Variants in DENND5A observed in about 807,000 individuals in gnomAD.
DENND5A encodes the protein DENN domain-containing protein 5A.
In DENND5A, 64 loss-of-function variants were observed where a neutral mutation model predicts 140.3. That is an observed-to-expected ratio of 0.46 (90% CI 0.37 to 0.56). DENND5A has a LOEUF of 0.56. DENND5A is among the 20% of genes least tolerant of loss of function. The probability of loss-of-function intolerance (pLI) is 0.00; values close to 1 mark genes in which losing one functional copy is unlikely to be tolerated. For missense variants in DENND5A, 1,292 were observed against 1,593.8 expected, an observed-to-expected ratio of 0.81 and a Z score of 3.22; for synonymous variants, 605 against 607.7, an observed-to-expected ratio of 1.00 and a Z score of 0.07.
At chr11:9,235,162 C>G (rs1386837863) in intron 1 of DENND5A, among the ~76,000 whole-genome samples, 1 of 152,116 alleles carries the variant, frequency 6.6e-6, no homozygotes, top group Non-Finnish European at 1.5e-5. Flanking sequence ...GGTGTTCAGA[C>G]AGAAACTTGT....
At chr11:9,164,968 T>C (rs1047343493) in intron 11 of DENND5A, among the ~76,000 whole-genome samples, 2 of 151,284 alleles carry the variant, frequency 1.3e-5, no homozygotes, top group African/African-American at 4.9e-5. Flanking sequence ...TTAAAAAAGT[T>C]TTTTATTAAA....
intron 5 of DENND5A, among the ~76,000 whole-genome samples, chr11:9,183,254 G>A (rs766815066): frequency 1.3e-5 from 2 of 152,180 alleles, no homozygotes; most frequent in African/African-American, 2.4e-5. Flanking sequence ...TTCCATTCAC[G>A]TAACAGAGAT....
At chr11:9,195,020 C>CT (rs574310334) in intron 4 of DENND5A, among the ~76,000 whole-genome samples, 7,441 of 119,064 alleles carry the variant, frequency 0.062, 304 homozygotes, top group South Asian at 0.1. Context: ...CCCAGCCAGC[C>CT]TTTTTTTTTT....
chr11:9,165,844 G>A lies in DENND5A; in HGVS notation c.2275C>T (p.Arg759Cys), dbSNP rs1308772819. ...AGATGTCCACAGCTTACCTTATTGCGGCATTCCTTCAGCAGGCCCTCTACA... is the reference window on the plus strand; with the variant it reads ...AGATGTCCACAGCTTACCTTATTGCAGCATTCCTTCAGCAGGCCCTCTACA... ...KFVEGLLKEC[R>C]NKTKRMLVEK... The change falls in exon 11 of 23, where the codon CGC becomes TGC. Residue 759 changes from arginine to cysteine, a missense_variant. This residue lies in a region of DENND5A where 498 missense variants were observed against 689.7 expected (regional missense o/e 0.72). Coordinates refer to ENST00000328194, the MANE Select transcript of DENND5A (RefSeq NM_015213.4). 5.0e-6 allele frequency: 8 copies of A among 1,613,840 alleles called. No homozygotes were observed. The highest frequency in any genetic ancestry group is 3.3e-5 in the Admixed American group (2 of 60,004).
intron 1 of DENND5A, among the ~76,000 whole-genome samples, chr11:9,239,724 A>C (rs1486114333): frequency 1.3e-5 from 2 of 152,012 alleles, no homozygotes; most frequent in Non-Finnish European, 2.9e-5. Context: ...TGCCTCCCAA[A>C]GTGCTGGGAT....
chr11:9,191,671 G>C (rs1245119926), intron 5 of DENND5A, among the ~76,000 whole-genome samples: 4 of 152,200 alleles, frequency 2.6e-5, no homozygotes, highest in Non-Finnish European at 5.9e-5. Context: ...AAATCCTAGA[G>C]AGATCAGAAT....
At chr11:9,223,684 A>C (rs1252032808) in intron 1 of DENND5A, among the ~76,000 whole-genome samples, 1 of 152,120 alleles carries the variant, frequency 6.6e-6, no homozygotes, top group Admixed American at 6.6e-5. Flanking sequence ...ACACCACTGC[A>C]CTCCAGTCTG....
intron 8 of DENND5A, among the ~76,000 whole-genome samples, chr11:9,172,487 T>C (rs975759871): frequency 2.6e-5 from 4 of 152,166 alleles, no homozygotes; most frequent in Non-Finnish European, 5.9e-5. Flanking sequence ...ATAATCCCCA[T>C]GTGTGGTGGG....
At chr11:9,252,516 G>A (rs1040707414) in intron 1 of DENND5A, among the ~76,000 whole-genome samples, 3 of 151,196 alleles carry the variant, frequency 2.0e-5, no homozygotes, top group African/African-American at 4.9e-5. Context: ...GTGTGGTGGC[G>A]CTTGCATGTA....
In DENND5A at chr11:9,145,911, G is replaced by T. The variant is rs1847417139; in HGVS notation, c.2858-96C>A. ...CTGCTCCAGGAAGGCTGGCACAACT[G>T]TGGCTCCTGCTATCTCAGCTCAAGC... On this transcript the variant is annotated intron_variant, in intron 16 of 22. Transcript: ENST00000328194. 2 of 1,341,732 alleles carry T rather than the reference G, an allele frequency of 1.5e-6. 1 individual carries two copies. 83.1% of individuals were successfully genotyped at this position (1,341,732 alleles called of 1,614,324 possible). A position where few individuals can be genotyped will look rare whatever the true frequency, so the allele number is the denominator to read the frequency against.
intron 1 of DENND5A, among the ~76,000 whole-genome samples, chr11:9,237,953 C>G (rs1851073235): frequency 6.6e-6 from 1 of 152,134 alleles, no homozygotes. Flanking sequence ...AAAACCCCTA[C>G]AAGTGTGTAA....
At position 9,180,769 on chromosome 11, in the gene DENND5A, T is replaced by C. The variant is rs146646020; in HGVS notation, c.1453A>G (p.Lys485Glu). ...ACAGACTCATATACACATCTTACCT[T>C]TTCCAGGCTCACCCCAGTTCTCTTG... ...LVKRTGVSLE[K>E]LEVREDPSSN... Residue 485 changes from lysine (K) to glutamate (E), a missense_variant and splice_region_variant, in exon 6 of 23, where the codon AAG (lysine) becomes GAG (glutamate). Physicochemically the swap from Lys to Glu is moderately conservative, Grantham distance 56. Coordinates refer to ENST00000328194, the MANE Select transcript of DENND5A (RefSeq NM_015213.4). 9.5e-4 allele frequency: 1,539 copies of C among 1,613,712 alleles called. 1 individual carries two copies. The highest frequency in any genetic ancestry group is 1.2e-3 in the Non-Finnish European group (1,432 of 1,179,782).
chr11:9,240,532 A>G (rs1230990691), intron 1 of DENND5A, among the ~76,000 whole-genome samples: 2 of 152,184 alleles, frequency 1.3e-5, no homozygotes, highest in East Asian at 3.8e-4. Flanking sequence ...CAACGTGGTG[A>G]AAACCCATCG....
chr11:9,180,860 G>A lies in DENND5A; in HGVS notation c.1362C>T (p.Gly454=), dbSNP rs753785593. The change falls in exon 6 of 23, where the codon GGC becomes GGT. Residue 454 remains glycine, a synonymous_variant. Coordinates refer to ENST00000328194, the MANE Select transcript of DENND5A (RefSeq NM_015213.4). ...GAAGCTCGTAGGAATGCAAAGGGGAGCCAGCAATGTTCCCATTCCTCTTGT... is the reference window on the plus strand; with the variant it reads ...GAAGCTCGTAGGAATGCAAAGGGGAACCAGCAATGTTCCCATTCCTCTTGT... ...VSDKRNGNIA[G]SPLHSYELLK... 5 of 1,614,226 alleles carry A rather than the reference G, an allele frequency of 3.1e-6. No homozygotes were observed. Among genetic ancestry groups the A allele is most frequent in the East Asian group, 4.5e-5 (2 of 44,882 alleles).
At chr11:9,173,604 T>A (rs1170523913) in intron 8 of DENND5A, among the ~76,000 whole-genome samples, 1 of 152,174 alleles carries the variant, frequency 6.6e-6, no homozygotes. Flanking sequence ...ACCCTCCCCC[T>A]TCAGCTTACC....
At chr11:9,216,120 G>A (rs1279132954) in intron 1 of DENND5A, among the ~76,000 whole-genome samples, 2 of 152,212 alleles carry the variant, frequency 1.3e-5, no homozygotes, top group Non-Finnish European at 2.9e-5. Flanking sequence ...GCAGGAGACA[G>A]GATTAAGGAC....
At chr11:9,250,905 G>A (rs895280389) in intron 1 of DENND5A, among the ~76,000 whole-genome samples, 2 of 152,028 alleles carry the variant, frequency 1.3e-5, no homozygotes, top group Admixed American at 6.6e-5. Flanking sequence ...AGGCTGAGGC[G>A]GGTGGGTCAC....
chr11:9,173,808 T>C (rs1030322879), intron 8 of DENND5A, among the ~76,000 whole-genome samples: 1 of 151,830 alleles, frequency 6.6e-6, no homozygotes, highest in Non-Finnish European at 1.5e-5. Context: ...AATGAAATCA[T>C]AAAAAAAATT....
rs566106906 is a variant in DENND5A, at chr11:9,155,021, C to A, written c.2437-2579G>T. ...AAAATTAGGCGCGCATGGTGACAGG[C>A]ACCTGTAATCCCAGCTACTCAGGAG... On this transcript the variant is annotated intron_variant, in intron 12 of 22. Transcript: ENST00000328194. Among the ~76,000 whole-genome samples the A allele has an allele frequency of 1.2e-4, 19 of 152,006 alleles. No homozygotes were observed. In the East Asian group the frequency reaches 3.5e-3, roughly 28 times the overall value.
Sources: allele counts gnomAD v4.1 joint callset (sites outside exome capture counted in the v4.1 genomes callset), GRCh38; gene constraint gnomAD v4.1.1; regional missense constraint gnomAD v4.1.1; transcripts MANE v1.5; gene names NCBI Gene and HGNC (gene_info 2026-07-23, HGNC 2026-07-21).